MYH11: variants seen among roughly 807,000 people sequenced by gnomAD.
MYH11 encodes the protein myosin-11.
Under a neutral mutation model 246.6 loss-of-function variants are expected in MYH11, and 80 were observed. The ratio of observed to expected loss-of-function variants is 0.32; its 90% CI spans 0.27 to 0.39. The LOEUF (loss-of-function observed/expected upper bound fraction) is 0.39. Ranked by LOEUF, MYH11 falls within the 10% of genes least tolerant of loss-of-function variation. MYH11 has a pLI of 1.00. For missense variants in MYH11, 2,158 were observed against 2,546.8 expected, an observed-to-expected ratio of 0.85 and a Z score of 3.29; for synonymous variants, 1,071 against 1,015.5, an observed-to-expected ratio of 1.05 and a Z score of -1.04.
Position 15,738,546 on chromosome 16 carries a change from C to A in MYH11, c.3121+19G>T. 1 of 1,599,084 alleles carries A rather than the reference C, an allele frequency of 6.3e-7. No individual in the cohort carries two copies. The highest frequency in any genetic ancestry group is 8.5e-7 in the Non-Finnish European group (1 of 1,171,736). On this transcript the variant is annotated intron_variant, in intron 24 of 40. Coordinates refer to ENST00000300036, the MANE Select transcript of MYH11 (RefSeq NM_002474.3). The stretch of plus-strand genomic sequence containing the variant: ...ATAATAAAATAAAATAAAAATAAAT[C>A]TCTTGGTAGCTGGTTTACCTTCCAG...
At chr16:15,705,516 C>T (rs776046343) in intron 40 of MYH11, among the ~76,000 whole-genome samples, 4 of 152,190 alleles carry the variant, frequency 2.6e-5, no homozygotes, top group Non-Finnish European at 5.9e-5. Context: ...TTTTCAGCAA[C>T]CGCAACAAAT....
rs149689847 is a variant in MYH11 at position 15,753,954 on chromosome 16, C to T, written c.1750-446G>A. ...AGCGTGGTGGTTCACACTGGTAATCCCAGCACTGTGGAAGGCCAAGGTGGG... is the reference window on the plus strand; with the variant it reads ...AGCGTGGTGGTTCACACTGGTAATCTCAGCACTGTGGAAGGCCAAGGTGGG... On this transcript the variant is annotated intron_variant, in intron 14 of 40. Coordinates refer to ENST00000300036, the MANE Select transcript of MYH11 (RefSeq NM_002474.3). Among the ~76,000 whole-genome samples the T allele has an allele frequency of 3.9e-3, 594 of 151,972 alleles. 3 individuals are homozygous for T. The highest frequency in any genetic ancestry group is 6.9e-3 in the Non-Finnish European group (469 of 67,972).
In MYH11 at chr16:15,741,491, T is replaced by C. The variant is rs1472336132; in HGVS notation, c.2831A>G (p.Glu944Gly). The C allele has an allele frequency of 6.2e-7, 1 of 1,608,846 alleles. No homozygotes were observed. Among genetic ancestry groups the C allele is most frequent in the African/African-American group, 1.3e-5 (1 of 74,936 alleles). ...EEDRGQQLQA[E>G]RKKMAQQMLD... ...CATCTGCTGGGCCATCTTCTTCCTT[T>C]CAGCCTGTAGCTGCTGGCCCCTGTC... The change falls in exon 22 of 41, where the codon GAA becomes GGA. Residue 944 changes from glutamate (E) to glycine (G), a missense_variant. By Grantham distance (98) the Glu-to-Gly change is moderately conservative (BLOSUM62 -2). This residue lies in a region of MYH11 where 284 missense variants were observed against 315.4 expected (regional missense o/e 0.90). Transcript: ENST00000300036.
rs755005682 is a variant in MYH11 at position 15,823,323 on chromosome 16, T to C, written c.434A>G (p.Lys145Arg). ...GTGAGGCGGCATCTCGTGCCTCTTC[T>C]TGCCCTTGTACATGTCGACGATCTT... ...SEKIVDMYKG[K>R]KRHEMPPHIY... The change falls in exon 3 of 41, where the codon AAG (lysine) becomes AGG (arginine). Residue 145 changes from lysine (K) to arginine (R), a missense_variant. Transcript: ENST00000300036. 3 of 1,614,076 alleles carry C rather than the reference T, an allele frequency of 1.9e-6. No homozygotes were observed. Among genetic ancestry groups the C allele is most frequent in the Non-Finnish European group, 2.5e-6 (3 of 1,180,052 alleles).
chr16:15,714,699 G>A, intron 40 of MYH11: 1 of 648,786 alleles, frequency 1.5e-6, no homozygotes, highest in Non-Finnish European at 2.7e-6. Context: ...GATCTAGAAG[G>A]TTAGCTGCTA....
chr16:15,718,265 TGCAGGAGAGACAGTAG>T (rs1567689562), intron 37 of MYH11, 34 bp downstream of exon 37: 1 of 1,604,404 alleles, frequency 6.2e-7, no homozygotes, highest in Admixed American at 1.7e-5. Context: ...AGGATCCTGC[TGCAGGAGAGACAGTAG>T]GCAGCGTGAC....
intron 38 of MYH11, among the ~76,000 whole-genome samples, chr16:15,716,522 T>G (rs991763129): frequency 1.5e-4 from 23 of 152,076 alleles, no homozygotes; most frequent in African/African-American, 2.4e-4. Flanking sequence ...GGGGTTTTTT[T>G]TGTGTGTGTG....
chr16:15,748,014 C>A (rs375561409), intron 17 of MYH11, 33 bp downstream of exon 17: 3 of 1,614,224 alleles, frequency 1.9e-6, no homozygotes, highest in Non-Finnish European at 1.7e-6. Flanking sequence ...CCGCTCACCC[C>A]CTGCCCTACC....
chr16:15,793,991 T>C (rs1209176462), intron 4 of MYH11, among the ~76,000 whole-genome samples: 1 of 136,514 alleles, frequency 7.3e-6, no homozygotes, highest in African/African-American at 2.8e-5. Context: ...TCACCCAGGC[T>C]GGAGTGCAGT....
At chr16:15,845,850 G>A (rs969138621) in intron 1 of MYH11, among the ~76,000 whole-genome samples, 5 of 152,116 alleles carry the variant, frequency 3.3e-5, no homozygotes, top group African/African-American at 9.7e-5. Flanking sequence ...CCAGAACTTT[G>A]GGAGGCTGAG....
At chr16:15,751,305 A>G (rs958919361) in intron 15 of MYH11, among the ~76,000 whole-genome samples, 1 of 151,924 alleles carries the variant, frequency 6.6e-6, no homozygotes, top group African/African-American at 2.4e-5. Flanking sequence ...GATTACAGGC[A>G]TGCGCCACCA....
chr16:15,742,152 A>G (rs935564733), intron 20 of MYH11: 8 of 571,796 alleles, frequency 1.4e-5, no homozygotes, highest in Non-Finnish European at 2.2e-5. Context: ...ACCCCAAAAT[A>G]TCAACAGTGG....
rs770320526 is a variant in MYH11, at chr16:15,714,967, C to T, written c.5728G>A (p.Ala1910Thr). The T allele has an allele frequency of 3.1e-6, 5 of 1,613,996 alleles. No homozygotes were observed. The highest frequency in any genetic ancestry group is 1.7e-5 in the Admixed American group (1 of 60,006). Residue 1910 changes from alanine (A) to threonine (T), a missense_variant, in exon 40 of 41, where the codon GCC becomes ACC. Around this residue, in one of 11 missense-constraint regions of MYH11, gnomAD observed 1,013 missense variants for 993.5 expected, o/e 1.02. Coordinates refer to ENST00000300036, the MANE Select transcript of MYH11 (RefSeq NM_002474.3). ...CCCATGGCCTCGTTGCTCTCCGTGG[C>T]CTCATCCAGCTCCCGCTGCAGCTTC... is the stretch of plus-strand genomic sequence containing the variant. ...RRKLQRELDE[A>T]TESNEAMGRE...
chr16:15,767,840 G>A (rs1263192210), intron 9 of MYH11, among the ~76,000 whole-genome samples: 1 of 151,876 alleles, frequency 6.6e-6, no homozygotes, highest in Non-Finnish European at 1.5e-5. Context: ...AACAGCCAGA[G>A]CCACCAGAAG....
At chr16:15,741,727 C>T in intron 21 of MYH11, 33 bp downstream of exon 21, 1 of 1,614,138 alleles carries the variant, frequency 6.2e-7, no homozygotes. Flanking sequence ...GTCCTGTTCC[C>T]CAGCAACCCC....
At chr16:15,766,959 C>T (rs890081724) in intron 9 of MYH11, among the ~76,000 whole-genome samples, 6 of 152,170 alleles carry the variant, frequency 3.9e-5, no homozygotes, top group African/African-American at 1.4e-4. Context: ...TTAGAGAGTC[C>T]TGAGTTCAAA....
At chr16:15,805,748 C>A (rs1359113581) in intron 3 of MYH11, among the ~76,000 whole-genome samples, 3 of 150,476 alleles carry the variant, frequency 2.0e-5, no homozygotes, top group African/African-American at 7.3e-5. Flanking sequence ...CCTATCTCTA[C>A]AAAAAAAAAT....
At chr16:15,714,365 G>C (rs1007664696) in intron 40 of MYH11, 1 of 171,938 alleles carries the variant, frequency 5.8e-6, no homozygotes, top group Non-Finnish European at 1.3e-5. Flanking sequence ...GCAGGGTGGT[G>C]GGGGACTACT....
chr16:15,818,315 G>A (rs1014170596), intron 3 of MYH11, among the ~76,000 whole-genome samples: 15 of 152,104 alleles, frequency 9.9e-5, no homozygotes, highest in Admixed American at 4.6e-4. Flanking sequence ...CTGGGCCTAC[G>A]TGTTTCTTCA....
Sources: allele counts gnomAD v4.1 joint callset (sites outside exome capture counted in the v4.1 genomes callset), GRCh38; gene constraint gnomAD v4.1.1; regional missense constraint gnomAD v4.1.1; transcripts MANE v1.5; gene names NCBI Gene and HGNC (gene_info 2026-07-23, HGNC 2026-07-21).